GRM1: variants seen among roughly 807,000 people sequenced by gnomAD.
GRM1 encodes the protein metabotropic glutamate receptor 1.
GRM1 carries 33 observed loss-of-function variants against 90.9 expected under a neutral mutation model. That is an observed-to-expected ratio of 0.36 (90% CI 0.28 to 0.49). GRM1 has a LOEUF of 0.49. Among genes scored for constraint, GRM1 ranks in the 20% least tolerant of loss-of-function variants. The probability of loss-of-function intolerance (pLI) is 0.99; values close to 1 mark genes in which losing one functional copy is unlikely to be tolerated. For missense variants in GRM1, 1,190 were observed against 1,534.3 expected (o/e 0.78, Z 3.75); for synonymous variants, 700 against 613.2 (o/e 1.14, Z -2.09).
intron 1 of GRM1, among the ~76,000 whole-genome samples, chr6:146,050,613 A>G (rs1461281528): frequency 6.6e-6 from 1 of 152,060 alleles, no homozygotes; most frequent in Non-Finnish European, 1.5e-5. Flanking sequence ...TTCTCTTTGG[A>G]AATTTCCAGG....
rs370831493 is a variant in GRM1 at position 146,029,574 on chromosome 6, C to A, written c.57C>A (p.Leu19=). The change falls in exon 1 of 8, where the codon CTC becomes CTA. Residue 19 remains leucine, a synonymous_variant. Transcript: ENST00000282753. ...CGATCTTTTTGGAGGTGTCCCTTCT[C>A]CCCAGAAGCCCCGGCAGGAAAGTGT... ...FPAIFLEVSL[L]PRSPGRKVLL... 8.7e-6 allele frequency: 14 copies of A among 1,613,986 alleles called. No homozygotes were observed. The African/African-American group carries it at 1.7e-4, about 20-fold the overall frequency.
At chr6:146,099,494 C>T (rs924733260) in intron 1 of GRM1, among the ~76,000 whole-genome samples, 5 of 152,228 alleles carry the variant, frequency 3.3e-5, no homozygotes, top group Non-Finnish European at 7.3e-5. Context: ...GCACAAGCAT[C>T]TCCCTGATTA....
rs182957129 is a variant in GRM1 at position 146,435,763 on chromosome 6, A to T, written c.*967A>T. On this transcript the variant is annotated 3_prime_UTR_variant, in exon 8 of 8. Coordinates refer to ENST00000282753, the MANE Select transcript of GRM1 (RefSeq NM_001278064.2). ...TGTGTTTGTGCCAAGCGGGCTTTCC[A>T]TTGACCTTCAGTTAAAGAACAAACC... is the stretch of plus-strand genomic sequence containing the variant. The T allele has an allele frequency of 6.6e-6, 1 of 152,638 alleles. No homozygotes were observed. The highest frequency in any genetic ancestry group is 2.1e-4 in the South Asian group (1 of 4,824). 9.5% of individuals were successfully genotyped at this position (152,638 alleles called of 1,614,324 possible). A position where few individuals can be genotyped will look rare whatever the true frequency, so the allele number is the denominator to read the frequency against.
Position 146,416,450 on chromosome 6 carries a change from A to T in GRM1, c.2660+16751A>T, listed in dbSNP as rs1777787789. Among the ~76,000 whole-genome samples, 2 of 152,162 alleles carry T rather than the reference A, an allele frequency of 1.3e-5. 1 individual carries two copies. Among genetic ancestry groups the T allele is most frequent in the Admixed American group, 1.3e-4 (2 of 15,272 alleles). On this transcript the variant is annotated intron_variant, in intron 7 of 7. Transcript: ENST00000282753. ...AAAAATTAATCTTTTATAGTCTCAA[A>T]TAAATTAGTAGTTTTATCACTTTCC...
intron 3 of GRM1, among the ~76,000 whole-genome samples, chr6:146,321,910 CTT>C (rs1784203286): frequency 2.6e-5 from 4 of 152,170 alleles, no homozygotes; most frequent in Admixed American, 2.6e-4. Context: ...GGTCTTGACT[CTT>C]TATCCAATTT....
At chr6:146,238,736 T>A (rs770840412) in intron 2 of GRM1, among the ~76,000 whole-genome samples, 1 of 152,106 alleles carries the variant, frequency 6.6e-6, no homozygotes, top group Non-Finnish European at 1.5e-5. Flanking sequence ...TGGGAGATGC[T>A]CTGTTTGTTT....
intron 2 of GRM1, among the ~76,000 whole-genome samples, chr6:146,240,582 C>T (rs897364144): frequency 1.3e-5 from 2 of 152,054 alleles, no homozygotes; most frequent in Admixed American, 1.3e-4. Flanking sequence ...TTTCTACTGG[C>T]AGTCACATTG....
intron 7 of GRM1, among the ~76,000 whole-genome samples, chr6:146,415,650 G>A (rs1031790516): frequency 2.6e-5 from 4 of 152,052 alleles, no homozygotes; most frequent in Admixed American, 6.5e-5. Context: ...CTTCAACTTC[G>A]TTCTTATTTT....
chr6:146,320,190 A>T (rs1284175487), intron 3 of GRM1, among the ~76,000 whole-genome samples: 1 of 151,986 alleles, frequency 6.6e-6, no homozygotes, highest in Admixed American at 6.6e-5. Context: ...GTTTAATTTT[A>T]TCAAGGCCTT....
intron 1 of GRM1, among the ~76,000 whole-genome samples, chr6:146,041,487 C>T (rs919907007): frequency 1.3e-5 from 2 of 151,870 alleles, no homozygotes; most frequent in African/African-American, 4.8e-5. Flanking sequence ...GCCCTAGGCC[C>T]AGGTTTCCCA....
At chr6:146,044,216 T>C (rs898761247) in intron 1 of GRM1, among the ~76,000 whole-genome samples, 1 of 151,978 alleles carries the variant, frequency 6.6e-6, no homozygotes, top group African/African-American at 2.4e-5. Context: ...TGTGGATTTA[T>C]AACAGTCTCC....
intron 3 of GRM1, among the ~76,000 whole-genome samples, chr6:146,347,705 G>A (rs1442157147): frequency 6.6e-6 from 1 of 152,176 alleles, no homozygotes; most frequent in African/African-American, 2.4e-5. Context: ...TCCATACCAT[G>A]ACCTGGGCAG....
chr6:146,120,486 T>C (rs1288727885), intron 1 of GRM1, among the ~76,000 whole-genome samples: 2 of 151,856 alleles, frequency 1.3e-5, no homozygotes, highest in Admixed American at 6.6e-5. Context: ...TGAATAGGAG[T>C]GGTGAGAGAG....
intron 1 of GRM1, among the ~76,000 whole-genome samples, chr6:146,140,571 T>C (rs1295712822): frequency 1.3e-5 from 2 of 152,138 alleles, no homozygotes; most frequent in Admixed American, 6.6e-5. Flanking sequence ...ACCCAGCCTG[T>C]TATATGTTTT....
intron 2 of GRM1, among the ~76,000 whole-genome samples, chr6:146,200,503 C>T (rs1264615975): frequency 1.3e-5 from 2 of 152,172 alleles, no homozygotes; most frequent in Non-Finnish European, 2.9e-5. Context: ...GTCACTGCCT[C>T]CTTCCAGGAA....
Position 146,159,577 on chromosome 6 carries a change from C to A in GRM1, c.930C>A (p.Gly310=), listed in dbSNP as rs143238116. ...CCATGCGGCGCCTTGGCGTCGTGGG[C>A]GAGTTCTCACTCATTGGAAGGTAAG... The part of the protein sequence containing the change: ...LSAMRRLGVV[G]EFSLIGSDGW... Residue 310 remains glycine, a synonymous_variant, in exon 2 of 8, where the codon GGC becomes GGA. Transcript: ENST00000282753. The A allele has an allele frequency of 1.2e-6, 2 of 1,611,486 alleles. No individual in the cohort carries two copies. Among genetic ancestry groups the A allele is most frequent in the Admixed American group, 3.3e-5 (2 of 59,942 alleles).
rs1302514786 is a variant in GRM1, at chr6:146,434,797, G to A, written c.*1G>A. On this transcript the variant is annotated 3_prime_UTR_variant, in exon 8 of 8. Transcript: ENST00000282753. ...CAAGCAAAGCTCTTCCACCCTGTAA[G>A]GGGGAAGGGTCCACATAGAAAAGCA... 1.9e-6 allele frequency: 3 copies of A among 1,596,742 alleles called. No individual in the cohort carries two copies. The highest frequency in any genetic ancestry group is 2.7e-5 in the African/African-American group (2 of 74,894).
intron 1 of GRM1, among the ~76,000 whole-genome samples, chr6:146,073,964 CA>C (rs1401028072): frequency 6.6e-6 from 1 of 151,866 alleles, no homozygotes; most frequent in African/African-American, 2.4e-5. Flanking sequence ...TAAATAGTCT[CA>C]AAAAATGGTA....
intron 1 of GRM1, among the ~76,000 whole-genome samples, chr6:146,122,030 G>A (rs544922307): frequency 2.6e-4 from 40 of 151,960 alleles, no homozygotes; most frequent in Non-Finnish European, 5.1e-4. Flanking sequence ...TTGACAGTGG[G>A]GTGTTAAAGT....
Sources: gnomAD v4.1 joint callset for allele counts (sites outside exome capture counted in the v4.1 genomes callset) on GRCh38, gnomAD v4.1.1 for gene constraint, MANE v1.5 for transcripts, NCBI Gene and HGNC (gene_info 2026-07-23, HGNC 2026-07-21) for gene names.